BMPER: variants seen among roughly 807,000 people sequenced by gnomAD.
BMPER encodes the protein BMP-binding endothelial regulator protein.
A neutral mutation model predicts 87.3 loss-of-function variants in BMPER; 45 were observed. That is an observed-to-expected ratio of 0.52 (90% CI 0.41 to 0.66). BMPER has a LOEUF of 0.66. Ranked by LOEUF, BMPER falls within the 30% of genes least tolerant of loss-of-function variation. The probability of loss-of-function intolerance (pLI) is 0.00; values close to 1 mark genes in which losing one functional copy is unlikely to be tolerated. For missense variants in BMPER, 784 were observed against 867.5 expected, an observed-to-expected ratio of 0.90 and a Z score of 1.21; for synonymous variants, 326 against 316.2, an observed-to-expected ratio of 1.03 and a Z score of -0.33.
At chr7:34,067,487 G>A (rs577481781) in intron 11 of BMPER, among the ~76,000 whole-genome samples, 1 of 152,310 alleles carries the variant, frequency 6.6e-6, no homozygotes, top group South Asian at 2.1e-4. Flanking sequence ...CTGTGTTTGA[G>A]CAAGGTTTCT....
At chr7:34,048,837 G>T (rs962862959) in intron 7 of BMPER, among the ~76,000 whole-genome samples, 1 of 152,166 alleles carries the variant, frequency 6.6e-6, no homozygotes, top group African/African-American at 2.4e-5. Flanking sequence ...AAGTCAGGCT[G>T]TACACAAAGT....
At chr7:34,137,602 A>C (rs1175899779) in intron 13 of BMPER, among the ~76,000 whole-genome samples, 1 of 152,214 alleles carries the variant, frequency 6.6e-6, no homozygotes, top group Non-Finnish European at 1.5e-5. Context: ...ATGGGACCCT[A>C]TAGGGAGTGG....
At chr7:34,066,469 T>C (rs1298854501) in intron 11 of BMPER, among the ~76,000 whole-genome samples, 1 of 152,228 alleles carries the variant, frequency 6.6e-6, no homozygotes, top group African/African-American at 2.4e-5. Flanking sequence ...AACAAAATAT[T>C]TGAAGTGGGC....
intron 13 of BMPER, among the ~76,000 whole-genome samples, chr7:34,088,212 G>A (rs746747181): frequency 1.3e-5 from 2 of 152,202 alleles, no homozygotes; most frequent in Non-Finnish European, 2.9e-5. Flanking sequence ...GTGTCATTGT[G>A]TCATGGTAGA....
At chr7:34,086,938 C>G (rs1393103567) in intron 13 of BMPER, among the ~76,000 whole-genome samples, 3 of 152,124 alleles carry the variant, frequency 2.0e-5, no homozygotes, top group Non-Finnish European at 2.9e-5. Context: ...CCCAAAAGGC[C>G]TTGTTTAAGT....
At chr7:33,948,291 T>C (rs1784934257) in intron 3 of BMPER, among the ~76,000 whole-genome samples, 1 of 152,224 alleles carries the variant, frequency 6.6e-6, no homozygotes, top group Non-Finnish European at 1.5e-5. Context: ...TTTTAGAGAA[T>C]ACTTTGGAAG....
chr7:34,100,516 C>T (rs1360682307), intron 13 of BMPER, among the ~76,000 whole-genome samples: 2 of 152,182 alleles, frequency 1.3e-5, no homozygotes, highest in Admixed American at 1.3e-4. Context: ...GCCTGTGCAC[C>T]CATCCCAAAG....
chr7:34,084,304 C>A (rs1385001236), intron 12 of BMPER, among the ~76,000 whole-genome samples: 1 of 152,156 alleles, frequency 6.6e-6, no homozygotes, highest in East Asian at 1.9e-4. Flanking sequence ...GTCTAAAAAA[C>A]AAACAAACAA....
intron 12 of BMPER, among the ~76,000 whole-genome samples, chr7:34,079,467 T>G (rs1004627933): frequency 6.6e-6 from 1 of 152,130 alleles, no homozygotes; most frequent in Non-Finnish European, 1.5e-5. Context: ...AACCTTTCCA[T>G]CCTCTGTCTA....
intron 13 of BMPER, among the ~76,000 whole-genome samples, chr7:34,138,705 C>A (rs1370958404): frequency 6.6e-6 from 1 of 152,132 alleles, no homozygotes; most frequent in Non-Finnish European, 1.5e-5. Flanking sequence ...AATTCCGTTA[C>A]AATAGAAACC....
chr7:34,131,689 A>G (rs1790594531), intron 13 of BMPER, among the ~76,000 whole-genome samples: 1 of 152,140 alleles, frequency 6.6e-6, no homozygotes, highest in African/African-American at 2.4e-5. Context: ...CACACTCCCA[A>G]TTACTGCACT....
At chr7:33,934,732 G>A (rs1334243431) in intron 2 of BMPER, among the ~76,000 whole-genome samples, 1 of 152,144 alleles carries the variant, frequency 6.6e-6, no homozygotes, top group Non-Finnish European at 1.5e-5. Context: ...CCATCACTTT[G>A]ACTGCCCTGA....
At chr7:34,004,733 C>T (rs557537557) in intron 6 of BMPER, among the ~76,000 whole-genome samples, 54 of 152,254 alleles carry the variant, frequency 3.5e-4, no homozygotes, top group Admixed American at 7.9e-4. Context: ...TGAACCAGTA[C>T]GACTCCCAAC....
At chr7:34,127,948 G>A (rs1047053528) in intron 13 of BMPER, among the ~76,000 whole-genome samples, 23 of 152,094 alleles carry the variant, frequency 1.5e-4, no homozygotes, top group African/African-American at 5.3e-4. Context: ...TTCCTGATGC[G>A]TATTTTGAAT....
At chr7:34,075,714 T>G (rs1347517497) in intron 11 of BMPER, among the ~76,000 whole-genome samples, 1 of 152,224 alleles carries the variant, frequency 6.6e-6, no homozygotes, top group East Asian at 1.9e-4. Flanking sequence ...CGTGTTGGAC[T>G]GAAGCTCATT....
intron 13 of BMPER, among the ~76,000 whole-genome samples, chr7:34,136,259 G>A (rs1299491906): frequency 6.6e-6 from 1 of 152,128 alleles, no homozygotes; most frequent in Non-Finnish European, 1.5e-5. Context: ...TTCTGGCCGT[G>A]TTTTTCATGT....
intron 10 of BMPER, among the ~76,000 whole-genome samples, chr7:34,059,637 T>G (rs1788380133): frequency 6.6e-6 from 1 of 150,376 alleles, no homozygotes. Context: ...CACTTTCCCT[T>G]CTCGGGGGCC....
chr7:33,953,111 C>T (rs753977568), intron 3 of BMPER, among the ~76,000 whole-genome samples: 3 of 152,192 alleles, frequency 2.0e-5, no homozygotes, highest in Admixed American at 6.5e-5. Flanking sequence ...AGGCATTCTC[C>T]GAACCTGCAC....
At chr7:33,971,107 T>A (rs899063129) in intron 5 of BMPER, among the ~76,000 whole-genome samples, 4 of 151,824 alleles carry the variant, frequency 2.6e-5, no homozygotes, top group Admixed American at 6.6e-5. Flanking sequence ...TGCATTTTGT[T>A]TTTTTTGTTT....
Sources: gnomAD v4.1 joint callset for allele counts (sites outside exome capture counted in the v4.1 genomes callset) on GRCh38, gnomAD v4.1.1 for gene constraint, MANE v1.5 for transcripts, NCBI Gene and HGNC (gene_info 2026-07-23, HGNC 2026-07-21) for gene names.